TP53BP1: variants seen among roughly 807,000 people sequenced by gnomAD.
TP53BP1 encodes the protein tumor protein p53 binding protein 1.
A neutral mutation model predicts 200.8 loss-of-function variants in TP53BP1; 61 were observed. The ratio of observed to expected loss-of-function variants is 0.30; its 90% CI spans 0.25 to 0.38. The LOEUF (loss-of-function observed/expected upper bound fraction) is 0.38. TP53BP1 is among the 10% of genes least tolerant of loss of function. The pLI is 1.00. For synonymous variants in TP53BP1, 822 were observed against 844.3 expected (o/e 0.97, Z 0.46); for missense variants, 2,144 against 2,371.9 (o/e 0.90, Z 2.00).
chr15:43,428,438 C>T (rs527936880), intron 17 of TP53BP1, among the ~76,000 whole-genome samples: 6 of 152,280 alleles, frequency 3.9e-5, no homozygotes, highest in African/African-American at 7.2e-5. Flanking sequence ...CTTGTATTTA[C>T]GGACATTTAG....
In TP53BP1 at chr15:43,415,711, T is replaced by A; in HGVS notation, c.4972A>T (p.Ile1658Phe). 1 of 1,614,184 alleles carries A rather than the reference T, an allele frequency of 6.2e-7. No individual in the cohort carries two copies. The highest frequency in any genetic ancestry group is 8.5e-7 in the Non-Finnish European group (1 of 1,180,032). ...ATGGAGGCACGAGGACTTTCTGTGATCTTTCGGGTAGGGGTTGTGCTGCTG... is the reference window on the plus strand; with the variant it reads ...ATGGAGGCACGAGGACTTTCTGTGAACTTTCGGGTAGGGGTTGTGCTGCTG... ...SSSSTTPTRK[I>F]TESPRASMGV... The change falls in exon 23 of 28, where the codon ATC becomes TTC. Residue 1658 changes from isoleucine (I) to phenylalanine (F), a missense_variant. By Grantham distance (21) the Ile-to-Phe change is conservative (BLOSUM62 0). Coordinates refer to ENST00000382044, the MANE Select transcript of TP53BP1 (RefSeq NM_001141980.3).
rs200248398 is a variant in TP53BP1 at position 43,420,261 on chromosome 15, C to G, written c.4681+44G>C. ...ACTAACATAACAGAGTATTATTGCC[C>G]CAAGGCACAAAAAAATCTCTACAAA... On this transcript the variant is annotated intron_variant, in intron 21 of 27. Transcript: ENST00000382044. 3.2e-6 allele frequency: 5 copies of G among 1,572,540 alleles called. No individual in the cohort carries two copies. The Admixed American group carries it at 6.9e-5, about 22-fold the overall frequency.
chr15:43,447,308 G>A lies in TP53BP1; in HGVS notation c.2836+58C>T, dbSNP rs1357773025. On this transcript the variant is annotated intron_variant, in intron 13 of 27. Coordinates refer to ENST00000382044, the MANE Select transcript of TP53BP1 (RefSeq NM_001141980.3). Reference sequence around the variant, plus strand: ...TCCTCAGATCTAAAATATCACTTGTGTAGAGAATGATATCTCAGAAATTCT... The same window carrying A: ...TCCTCAGATCTAAAATATCACTTGTATAGAGAATGATATCTCAGAAATTCT... 5.2e-6 allele frequency: 8 copies of A among 1,541,404 alleles called. No homozygotes were observed. The East Asian group carries it at 1.6e-4, about 31-fold the overall frequency.
chr15:43,441,156 G>C (rs540053272), intron 15 of TP53BP1: 2 of 170,418 alleles, frequency 1.2e-5, no homozygotes, highest in South Asian at 1.7e-4. Context: ...CTGAGTATGC[G>C]ATTGCAGAAG....
intron 2 of TP53BP1, 62 bp downstream of exon 2, chr15:43,492,222 T>A: frequency 1.3e-6 from 2 of 1,529,996 alleles, no homozygotes; most frequent in East Asian, 4.6e-5. Context: ...TACTTATGTT[T>A]GCTGGTTTTC....
In TP53BP1 at chr15:43,493,133, A is replaced by G. The variant is rs45576036; in HGVS notation, c.-90T>C. 1.8e-4 allele frequency: 282 copies of G among 1,581,072 alleles called. 2 individuals carry two copies. The African/African-American group carries it at 3.1e-3, about 17-fold the overall frequency. On this transcript the variant is annotated 5_prime_UTR_variant, in exon 1 of 28. Coordinates refer to ENST00000382044, the MANE Select transcript of TP53BP1 (RefSeq NM_001141980.3). Reference sequence around the variant, plus strand: ...CGATCCCTAGGTCGCCGCTGTCGCCACCGCCGCCACCGGCCGCGAACTCCC... The same window carrying G: ...CGATCCCTAGGTCGCCGCTGTCGCCGCCGCCGCCACCGGCCGCGAACTCCC...
At chr15:43,412,199 G>T (rs530094402) in intron 24 of TP53BP1, among the ~76,000 whole-genome samples, 2 of 152,262 alleles carry the variant, frequency 1.3e-5, no homozygotes, top group African/African-American at 4.8e-5. Flanking sequence ...TCTACACATG[G>T]CTGCAGTCGG....
Position 43,492,311 on chromosome 15 carries a change from G to A in TP53BP1, c.165C>T (p.Leu55=). The part of the protein sequence containing the change: ...FSMLSRHLPN[L]QTHKENPVLD... Reference sequence around the variant, plus strand: ...ACACAGGATTTTCTTTGTGCGTCTGGAGATTAGGAAGGTGTCGAGATAGCA... The same window carrying A: ...ACACAGGATTTTCTTTGTGCGTCTGAAGATTAGGAAGGTGTCGAGATAGCA... The change falls in exon 2 of 28, where the codon CTC becomes CTT. Residue 55 remains leucine, a synonymous_variant. Transcript: ENST00000382044. 2 of 1,614,002 alleles carry A rather than the reference G, an allele frequency of 1.2e-6. No individual in the cohort carries two copies. Among genetic ancestry groups the A allele is most frequent in the East Asian group, 4.5e-5 (2 of 44,870 alleles).
At position 43,457,259 on chromosome 15, in the gene TP53BP1, G is replaced by T. The variant is rs2046322353; in HGVS notation, c.1390-41C>A. The T allele has an allele frequency of 5.4e-6, 8 of 1,492,010 alleles. No homozygotes were observed. The African/African-American group carries it at 5.6e-5, about 10-fold the overall frequency. The allele number at this position is 1,492,010 out of a possible 1,614,324, so 92.4% of individuals were successfully genotyped here. On this transcript the variant is annotated intron_variant, in intron 11 of 27. Transcript: ENST00000382044. ...AAGAGACAAATTGTAATTTGTACATGATCATATATCTTTTATATCGAATCC... is the reference window on the plus strand; with the variant it reads ...AAGAGACAAATTGTAATTTGTACATTATCATATATCTTTTATATCGAATCC...
intron 8 of TP53BP1, among the ~76,000 whole-genome samples, chr15:43,476,948 A>G (rs1371635287): frequency 6.6e-6 from 1 of 152,242 alleles, no homozygotes; most frequent in Non-Finnish European, 1.5e-5. Flanking sequence ...TACCCAGATG[A>G]ATATGAAAAA....
At chr15:43,502,130 G>A (rs573636167) in intron 1 of TP53BP1, among the ~76,000 whole-genome samples, 1 of 152,208 alleles carries the variant, frequency 6.6e-6, no homozygotes, top group South Asian at 2.1e-4. Flanking sequence ...ACCAGCCTGG[G>A]CAATACAGGG....
chr15:43,492,451 T>C lies in TP53BP1; in HGVS notation c.25A>G (p.Thr9Ala). The C allele has an allele frequency of 6.2e-7, 1 of 1,613,922 alleles. No homozygotes were observed. The highest frequency in any genetic ancestry group is 8.5e-7 in the Non-Finnish European group (1 of 1,179,862). The change falls in exon 2 of 28, where the codon ACT becomes GCT. Residue 9 changes from threonine to alanine, a missense_variant. By Grantham distance (58) the Thr-to-Ala change is moderately conservative. Around this residue, in one of 4 missense-constraint regions of TP53BP1, gnomAD observed 1,700 missense variants for 1,710.3 expected, o/e 0.99. Coordinates refer to ENST00000382044, the MANE Select transcript of TP53BP1 (RefSeq NM_001141980.3). MPGEQMDP[T>A]GSQLDSDFSQ... is the part of the protein sequence containing the mutation. ...AAATCTGAATCCAACTGACTTCCAG[T>C]AGGGTCCATCTGCTCCCCTGGAATG...
At chr15:43,463,208 G>A (rs1595588285) in intron 11 of TP53BP1, among the ~76,000 whole-genome samples, 1 of 152,134 alleles carries the variant, frequency 6.6e-6, no homozygotes, top group South Asian at 2.1e-4. Context: ...ATGAGAAAAT[G>A]TTAACTATCA....
chr15:43,419,331 A>C (rs924687915), intron 21 of TP53BP1, among the ~76,000 whole-genome samples: 3 of 152,060 alleles, frequency 2.0e-5, no homozygotes, highest in African/African-American at 7.2e-5. Context: ...AGGTCCTTAT[A>C]TGATAACATG....
Position 43,502,819 on chromosome 15 carries a change from G to A in TP53BP1, c.-9+7551C>T, listed in dbSNP as rs552718532. On this transcript the variant is annotated intron_variant, in intron 1 of 27. Transcript: ENST00000263801. ...CACTCCAGCTGGAGTGTGATGGCAT[G>A]ATCTCAGCTCACTGCAACCTCTGTC... Among the ~76,000 whole-genome samples the A allele has an allele frequency of 2.6e-5, 4 of 151,670 alleles. No individual in the cohort carries two copies. The South Asian group carries it at 8.3e-4, about 32-fold the overall frequency.
At chr15:43,420,219 G>T in intron 21 of TP53BP1, 86 bp downstream of exon 21, 1 of 1,305,636 alleles carries the variant, frequency 7.7e-7, no homozygotes, top group South Asian at 1.4e-5. Context: ...AAAGTACCAA[G>T]TAATGTCTTG....
intron 18 of TP53BP1, among the ~76,000 whole-genome samples, chr15:43,425,443 G>A (rs954924208): frequency 5.3e-5 from 8 of 152,286 alleles, no homozygotes; most frequent in Admixed American, 2.0e-4. Context: ...GCAACACAGT[G>A]AAACCCCATC....
At position 43,491,743 on chromosome 15, in the gene TP53BP1, A is replaced by C. The variant is rs1275534570; in HGVS notation, c.297T>G (p.Asp99Glu). The C allele has an allele frequency of 1.9e-6, 3 of 1,613,772 alleles. No individual in the cohort carries two copies. In the African/African-American group the frequency reaches 4.0e-5, roughly 22 times the overall value. ...AACCACATGTGTCCAAGTTAGAAGA[A>C]TCCACAGGGTCTGAAAAAAATAACT... ...LKENKVADPVDSSNLDTCGSI... is the reference protein window; with the variant it reads ...LKENKVADPVESSNLDTCGSI... Residue 99 changes from aspartate to glutamate, a missense_variant, in exon 4 of 28, where the codon GAT (aspartate) becomes GAG (glutamate). Coordinates refer to ENST00000382044, the MANE Select transcript of TP53BP1 (RefSeq NM_001141980.3).
At chr15:43,441,728 TACAA>T (rs1440324807) in intron 14 of TP53BP1, 145 bp from the exon 15 acceptor site, 14 of 603,714 alleles carry the variant, frequency 2.3e-5, no homozygotes, top group South Asian at 4.1e-5. Flanking sequence ...AGTATAAACA[TACAA>T]ACATTTCTTG....
Sources: gnomAD v4.1 joint callset for allele counts (sites outside exome capture counted in the v4.1 genomes callset) on GRCh38, gnomAD v4.1.1 for gene constraint, gnomAD v4.1.1 regional missense constraint, MANE v1.5 for transcripts, NCBI Gene and HGNC (gene_info 2026-07-23, HGNC 2026-07-21) for gene names.